The following EDIL3 variants were observed in gnomAD, a reference collection of about 807,000 sequenced individuals.
EDIL3 encodes the protein EGF-like repeat and discoidin I-like domain-containing protein 3.
Under a neutral mutation model 67.4 loss-of-function variants are expected in EDIL3, and 37 were observed. The ratio of observed to expected loss-of-function variants is 0.55; its 90% CI spans 0.42 to 0.72. The LOEUF (loss-of-function observed/expected upper bound fraction) is 0.72. Ranked by LOEUF, EDIL3 falls within the 30% of genes least tolerant of loss-of-function variation. EDIL3 has a pLI of 0.00. For missense variants in EDIL3, 527 were observed against 586.3 expected (o/e 0.90, Z 1.04); for synonymous variants, 195 against 196.3 (o/e 0.99, Z 0.05).
At chr5:83,973,596 G>T (rs1744827338) in intron 9 of EDIL3, among the ~76,000 whole-genome samples, 1 of 152,022 alleles carries the variant, frequency 6.6e-6, no homozygotes, top group South Asian at 2.1e-4. Context: ...CAATTTAGTT[G>T]ATTGTTTACA....
At chr5:83,974,296 A>C (rs1480604946) in intron 9 of EDIL3, among the ~76,000 whole-genome samples, 3 of 151,776 alleles carry the variant, frequency 2.0e-5, no homozygotes, top group African/African-American at 7.3e-5. Context: ...AAATGCTTCA[A>C]ATCGCTTTGG....
At chr5:84,237,408 T>C (rs151281785) in intron 2 of EDIL3, among the ~76,000 whole-genome samples, 16 of 152,184 alleles carry the variant, frequency 1.1e-4, no homozygotes, top group African/African-American at 3.1e-4. Context: ...AAAAAATCCA[T>C]TGGTACAATG....
intron 7 of EDIL3, among the ~76,000 whole-genome samples, chr5:84,065,610 T>A (rs1746625336): frequency 6.6e-6 from 1 of 151,038 alleles, no homozygotes; most frequent in Non-Finnish European, 1.5e-5. Flanking sequence ...AAATTTTCGA[T>A]GAAGAACTAA....
chr5:84,097,275 C>T (rs1416487606), intron 6 of EDIL3, among the ~76,000 whole-genome samples: 1 of 152,038 alleles, frequency 6.6e-6, no homozygotes. Flanking sequence ...TGATAAAATA[C>T]TAGAACTGAA....
intron 9 of EDIL3, among the ~76,000 whole-genome samples, chr5:84,031,006 C>T (rs1007980875): frequency 1.3e-5 from 2 of 152,122 alleles, no homozygotes; most frequent in African/African-American, 4.8e-5. Flanking sequence ...CTTTTCAGGC[C>T]TGTTACTGGC....
chr5:84,329,195 A>G (rs1746823598), intron 1 of EDIL3, among the ~76,000 whole-genome samples: 1 of 152,088 alleles, frequency 6.6e-6, no homozygotes. Flanking sequence ...TTCATCTTCT[A>G]TTGCAATTGC....
At chr5:84,114,450 T>G (rs1747629206) in intron 5 of EDIL3, among the ~76,000 whole-genome samples, 1 of 152,150 alleles carries the variant, frequency 6.6e-6, no homozygotes, top group Admixed American at 6.6e-5. Flanking sequence ...CCCAAATTCC[T>G]GCAGAGCACC....
chr5:84,209,181 C>T (rs1744058960), intron 3 of EDIL3, among the ~76,000 whole-genome samples: 2 of 150,144 alleles, frequency 1.3e-5, no homozygotes, highest in African/African-American at 4.9e-5. Context: ...ACAATGAGAA[C>T]ACATGGACAC....
chr5:84,021,313 T>A (rs1745709812), intron 9 of EDIL3, among the ~76,000 whole-genome samples: 3 of 151,958 alleles, frequency 2.0e-5, no homozygotes, highest in South Asian at 4.1e-4. Flanking sequence ...CAACATTAGA[T>A]TGTTTATTTA....
At position 83,944,001 on chromosome 5, in the gene EDIL3, G is replaced by A. The variant is rs145716867; in HGVS notation, c.1294-433C>T. Among the ~76,000 whole-genome samples, 116 of 152,136 alleles carry A rather than the reference G, an allele frequency of 7.6e-4. No individual in the cohort carries two copies. In the Middle Eastern group the frequency reaches 0.01, roughly 13 times the overall value. On this transcript the variant is annotated intron_variant, in intron 10 of 10. Coordinates refer to ENST00000296591, the MANE Select transcript of EDIL3 (RefSeq NM_005711.5). ...CACATTCACAAGGGGCAAGGGGAGG[G>A]AGAGTTAGCAGACTGTGCAGAGTGT...
intron 2 of EDIL3, among the ~76,000 whole-genome samples, chr5:84,238,665 G>GTTTTTTTT (rs3046880): frequency 0.012 from 1,212 of 101,070 alleles, 137 homozygotes; most frequent in East Asian, 0.055. Flanking sequence ...AAAATTAAAT[G>GTTTTTTTT]TTTTTTTTTT....
At chr5:84,111,995 C>T (rs971621905) in intron 5 of EDIL3, among the ~76,000 whole-genome samples, 1 of 152,010 alleles carries the variant, frequency 6.6e-6, no homozygotes, top group Non-Finnish European at 1.5e-5. Flanking sequence ...TAGACACAGG[C>T]AGGGAACAGG....
intron 9 of EDIL3, among the ~76,000 whole-genome samples, chr5:84,028,257 T>C (rs1745854108): frequency 6.6e-6 from 1 of 152,298 alleles, no homozygotes; most frequent in South Asian, 2.1e-4. Context: ...CTAACTGGTC[T>C]TCCTGTCTAG....
At chr5:84,228,677 T>C (rs1443437524) in intron 3 of EDIL3, among the ~76,000 whole-genome samples, 3 of 152,196 alleles carry the variant, frequency 2.0e-5, no homozygotes, top group Non-Finnish European at 4.4e-5. Context: ...GACATTTATA[T>C]ATCCTTGGAA....
chr5:84,005,470 A>C (rs746528193), intron 9 of EDIL3, among the ~76,000 whole-genome samples: 4 of 152,166 alleles, frequency 2.6e-5, no homozygotes, highest in Non-Finnish European at 4.4e-5. Context: ...TTAAAAGCGA[A>C]TCCTTCACAA....
intron 4 of EDIL3, among the ~76,000 whole-genome samples, chr5:84,152,460 AT>A (rs1250947096): frequency 6.6e-6 from 1 of 152,186 alleles, no homozygotes; most frequent in Non-Finnish European, 1.5e-5. Context: ...AAATGGTCCT[AT>A]TCTGTCAGAG....
chr5:84,293,581 C>T (rs1745971891), intron 1 of EDIL3, among the ~76,000 whole-genome samples: 1 of 151,966 alleles, frequency 6.6e-6, no homozygotes, highest in South Asian at 2.1e-4. Flanking sequence ...AGTTAAATGT[C>T]TACATTAAGG....
At chr5:84,024,412 T>C (rs1360772008) in intron 9 of EDIL3, among the ~76,000 whole-genome samples, 1 of 152,202 alleles carries the variant, frequency 6.6e-6, no homozygotes, top group African/African-American at 2.4e-5. Flanking sequence ...CATCAAGTTT[T>C]CAATCATTTA....
intron 6 of EDIL3, among the ~76,000 whole-genome samples, chr5:84,085,649 C>T (rs1747056318): frequency 6.6e-6 from 1 of 152,196 alleles, no homozygotes; most frequent in African/African-American, 2.4e-5. Context: ...TCAGAAGGCA[C>T]GGGGGTCAGG....
Sources: allele counts gnomAD v4.1 joint callset (sites outside exome capture counted in the v4.1 genomes callset), GRCh38; gene constraint gnomAD v4.1.1; transcripts MANE v1.5; gene names NCBI Gene and HGNC (gene_info 2026-07-23, HGNC 2026-07-21).